The following MED13 variants were observed in gnomAD, a reference collection of about 807,000 sequenced individuals.
MED13 encodes the protein mediator complex subunit 13.
In MED13, 23 loss-of-function variants were observed where a neutral mutation model predicts 225.2. That is an observed-to-expected ratio of 0.10 (90% confidence interval 0.07 to 0.14). The LOEUF is 0.14. MED13 is among the 10% of genes least tolerant of loss of function. The pLI is 1.00. For missense variants in MED13, 2,197 were observed against 2,594.5 expected, an observed-to-expected ratio of 0.85 and a Z score of 3.33; for synonymous variants, 942 against 889.2, an observed-to-expected ratio of 1.06 and a Z score of -1.06.
rs73336409 is a variant in MED13 at position 62,014,672 on chromosome 17, T to C, written c.1284-3439A>G. On this transcript the variant is annotated intron_variant, in intron 8 of 29. Coordinates refer to ENST00000397786, the MANE Select transcript of MED13 (RefSeq NM_005121.3). ...GCTAGTCCAATTGAGGAACTAATTT[T>C]TTAAGAGACAAGTCTTGCTCTGTCT... is the stretch of plus-strand genomic sequence containing the variant. Among the ~76,000 whole-genome samples, 883 of 152,230 alleles carry C rather than the reference T, an allele frequency of 5.8e-3. 8 individuals are homozygous for C. The highest frequency in any genetic ancestry group is 0.02 in the African/African-American group (834 of 41,532).
At chr17:62,000,646 T>C (rs566700861) in intron 9 of MED13, among the ~76,000 whole-genome samples, 8 of 152,348 alleles carry the variant, frequency 5.3e-5, no homozygotes, top group African/African-American at 1.9e-4. Flanking sequence ...GAGCTTCTCA[T>C]ATCAGCCTAT....
chr17:61,960,389 G>T (rs1198221418), intron 23 of MED13, among the ~76,000 whole-genome samples: 2 of 151,980 alleles, frequency 1.3e-5, no homozygotes, highest in Non-Finnish European at 2.9e-5. Context: ...TCCTGCCTCA[G>T]CCTCCTGAGT....
At chr17:61,988,377 G>T (rs953538655) in intron 11 of MED13, among the ~76,000 whole-genome samples, 1 of 152,108 alleles carries the variant, frequency 6.6e-6, no homozygotes, top group African/African-American at 2.4e-5. Flanking sequence ...ATATATTCCT[G>T]CACAAGAAAA....
intron 9 of MED13, among the ~76,000 whole-genome samples, chr17:62,009,026 A>G (rs2080481560): frequency 6.6e-6 from 1 of 152,222 alleles, no homozygotes; most frequent in South Asian, 2.1e-4. Context: ...AGCAATAAGC[A>G]AGTAATTCAC....
At chr17:62,003,449 C>CA (rs1342817181) in intron 9 of MED13, among the ~76,000 whole-genome samples, 1 of 151,668 alleles carries the variant, frequency 6.6e-6, no homozygotes, top group East Asian at 1.9e-4. Context: ...CTACTAAATA[C>CA]AAAAAATTAG....
At chr17:61,992,860 C>T (rs2080312088) in intron 10 of MED13, among the ~76,000 whole-genome samples, 1 of 78 alleles carries the variant, frequency 0.013, no homozygotes, top group Non-Finnish European at 0.025. Context: ...CCTCTGCCTC[C>T]TAGGTCAAGT....
chr17:62,000,823 C>T (rs2080388270), intron 9 of MED13, among the ~76,000 whole-genome samples: 1 of 152,108 alleles, frequency 6.6e-6, no homozygotes, highest in African/African-American at 2.4e-5. Context: ...AGTGCAGTGG[C>T]GTGGTCTTGG....
At chr17:62,042,136 T>C (rs959890684) in intron 3 of MED13, among the ~76,000 whole-genome samples, 2 of 152,206 alleles carry the variant, frequency 1.3e-5, no homozygotes, top group African/African-American at 4.8e-5. Context: ...ATAATACCAG[T>C]ATCAGGTATT....
chr17:62,029,297 T>C, intron 8 of MED13: 1 of 509,906 alleles, frequency 2.0e-6, no homozygotes. Context: ...TTGTCTTTTA[T>C]TTAGCTACTA....
At chr17:61,966,006 A>C (rs1051525759) in intron 19 of MED13, among the ~76,000 whole-genome samples, 1 of 152,186 alleles carries the variant, frequency 6.6e-6, no homozygotes. Flanking sequence ...GGGTAGAATG[A>C]AAGAAAAAAA....
At chr17:61,969,211 CG>C (rs2080085304) in intron 17 of MED13, among the ~76,000 whole-genome samples, 1 of 152,016 alleles carries the variant, frequency 6.6e-6, no homozygotes, top group Non-Finnish European at 1.5e-5. Flanking sequence ...CAAAATTAGC[CG>C]GGCATGGTGG....
intron 28 of MED13, 141 bp downstream of exon 28, chr17:61,950,684 G>A: frequency 1.2e-6 from 1 of 802,492 alleles, no homozygotes; most frequent in East Asian, 3.1e-5. Context: ...GTGCCTTCGT[G>A]ATCTTGTTTA....
At chr17:62,050,973 C>A (rs1304106449) in intron 3 of MED13, among the ~76,000 whole-genome samples, 1 of 152,178 alleles carries the variant, frequency 6.6e-6, no homozygotes, top group East Asian at 1.9e-4. Context: ...CCACTGCACT[C>A]CAGCCTGGGC....
intron 10 of MED13, among the ~76,000 whole-genome samples, chr17:61,993,192 C>CT (rs2080315920): frequency 7.6e-6 from 1 of 131,286 alleles, no homozygotes; most frequent in African/African-American, 3.6e-5. Flanking sequence ...TTCTTTCTTT[C>CT]TTTCTTTCTT....
At position 61,966,651 on chromosome 17, in the gene MED13, A is replaced by T; in HGVS notation, c.4192T>A (p.Ser1398Thr). The T allele has an allele frequency of 2.5e-6, 4 of 1,585,384 alleles. No homozygotes were observed. The highest frequency in any genetic ancestry group is 2.6e-6 in the Non-Finnish European group (3 of 1,168,320). The stretch of plus-strand genomic sequence containing the variant: ...GGTCTATGTTGACCTAATCGACAGG[A>T]CTACAAATATACATACAGAAAGCAG... Reference protein sequence around the residue: ...FFRDLTAIYESCRLGQHRPVS... With the variant: ...FFRDLTAIYETCRLGQHRPVS... The change falls in exon 19 of 30, where the codon TCC becomes ACC. Residue 1398 changes from serine (S) to threonine (T), a missense_variant and splice_region_variant. Physicochemically the swap from Ser to Thr is moderately conservative, Grantham distance 58 (BLOSUM62 1). Coordinates refer to ENST00000397786, the MANE Select transcript of MED13 (RefSeq NM_005121.3).
Position 62,049,078 on chromosome 17 carries a change from C to CAA in MED13, c.470+3457_470+3458dup, listed in dbSNP as rs890393330. On this transcript the variant is annotated intron_variant, in intron 3 of 29. Transcript: ENST00000397786. ...GGCACCACCATAACAGTAAATAAGA[C>CAA]AAAAAAAAAAAAAAAAAGGAGAAAT... is the stretch of plus-strand genomic sequence containing the variant. Among the ~76,000 whole-genome samples, 203 of 45,306 alleles carry CAA rather than the reference C, an allele frequency of 4.5e-3. 4 individuals are homozygous for CAA. The highest frequency in any genetic ancestry group is 0.016 in the African/African-American group (182 of 11,514). The allele number at this position is 45,306 out of a possible 152,430, so 29.7% of individuals were successfully genotyped here.
intron 11 of MED13, among the ~76,000 whole-genome samples, chr17:61,989,290 G>A (rs1229914232): frequency 1.3e-5 from 2 of 151,568 alleles, no homozygotes; most frequent in Non-Finnish European, 2.9e-5. Context: ...GATTACAGGC[G>A]TGAGCCACCA....
At position 61,944,082 on chromosome 17, in the gene MED13, G is replaced by T. The variant is rs1049927413; in HGVS notation, c.*2386C>A. 1.3e-5 allele frequency: 2 copies of T among 152,278 alleles called. No individual in the cohort carries two copies. The highest frequency in any genetic ancestry group is 2.9e-5 in the Non-Finnish European group (2 of 67,930). 9.4% of individuals were successfully genotyped at this position (152,278 alleles called of 1,614,324 possible). A position where few individuals can be genotyped will look rare whatever the true frequency, so the allele number is the denominator to read the frequency against. ...TTGAGTTTGAATGGATATATGAAGG[G>T]AAGAAAAAAAATCTTATCAATAAAT... On this transcript the variant is annotated 3_prime_UTR_variant, in exon 30 of 30. Transcript: ENST00000397786.
chr17:61,964,296 G>T (rs2080034270), intron 20 of MED13, among the ~76,000 whole-genome samples: 1 of 152,316 alleles, frequency 6.6e-6, no homozygotes, highest in South Asian at 2.1e-4. Context: ...CACTAGGCCG[G>T]GTGCGATAGC....
Sources: gnomAD v4.1 joint callset for allele counts (sites outside exome capture counted in the v4.1 genomes callset) on GRCh38, gnomAD v4.1.1 for gene constraint, MANE v1.5 for transcripts, NCBI Gene and HGNC (gene_info 2026-07-23, HGNC 2026-07-21) for gene names.